The following THOC1 variants were observed in gnomAD, a reference collection of about 807,000 sequenced individuals.
The protein encoded by THOC1 is THO complex 1.
A neutral mutation model predicts 97.3 loss-of-function variants in THOC1; 29 were observed. That is an observed-to-expected ratio of 0.30 (90% CI 0.22 to 0.41). The LOEUF (loss-of-function observed/expected upper bound fraction) is 0.41, where lower values mean the gene tolerates loss of function less well. THOC1 is among the 10% of genes least tolerant of loss of function. The pLI is 1.00. For synonymous variants in THOC1, 255 were observed against 257.0 expected (o/e 0.99, Z 0.07); for missense variants, 529 against 761.9 (o/e 0.69, Z 3.60).
chr18:231,619 T>A (rs1015442010), intron 11 of THOC1, among the ~76,000 whole-genome samples: 3 of 152,194 alleles, frequency 2.0e-5, no homozygotes, highest in African/African-American at 7.2e-5. Flanking sequence ...CAGCTACATA[T>A]AAAATCCTAA....
intron 3 of THOC1, among the ~76,000 whole-genome samples, chr18:264,478 T>C (rs1448513117): frequency 1.3e-5 from 2 of 152,200 alleles, no homozygotes; most frequent in African/African-American, 2.4e-5. Context: ...GTGGTTTTAA[T>C]AGAAGGAAGA....
intron 11 of THOC1, among the ~76,000 whole-genome samples, chr18:241,973 A>AT (rs1351604324): frequency 6.6e-6 from 1 of 152,204 alleles, no homozygotes; most frequent in Non-Finnish European, 1.5e-5. Context: ...ACCCTGGATT[A>AT]TTTTGCTCTG....
intron 12 of THOC1, 35 bp from the exon 13 acceptor site, chr18:225,438 A>G: frequency 6.4e-7 from 1 of 1,571,850 alleles, no homozygotes; most frequent in Non-Finnish European, 8.7e-7. Context: ...TGCTTGAGTT[A>G]CAGCAATGCA....
At chr18:229,869 T>G (rs536943121) in intron 11 of THOC1, among the ~76,000 whole-genome samples, 1 of 152,302 alleles carries the variant, frequency 6.6e-6, no homozygotes, top group African/African-American at 2.4e-5. Flanking sequence ...TCATTCTCCC[T>G]TAAACATGGG....
intron 4 of THOC1, 170 bp downstream of exon 4, chr18:263,856 A>G: frequency 1.7e-6 from 1 of 580,768 alleles, no homozygotes; most frequent in East Asian, 2.9e-5. Context: ...AGAGATGAGA[A>G]ATAAGAGTGA....
chr18:215,814 CAAGG>C lies in THOC1; in HGVS notation c.1603-314_1603-311del, dbSNP rs577806154. ...AGGGTTTATTTAGTAAAGACGGCCT[CAAGG>C]AAGCCAGTAGCAACAGTGTCCTTAA... On this transcript the variant is annotated intron_variant, in intron 19 of 20. Coordinates refer to ENST00000261600, the MANE Select transcript of THOC1 (RefSeq NM_005131.3). 414 of 293,732 alleles carry C rather than the reference CAAGG, an allele frequency of 1.4e-3. 6 individuals are homozygous for C. In the South Asian group the frequency reaches 0.023, roughly 16 times the overall value. The allele number at this position is 293,732 out of a possible 1,614,324, so 18.2% of individuals were successfully genotyped here.
chr18:236,390 C>CT (rs1911690688), intron 11 of THOC1, among the ~76,000 whole-genome samples: 1 of 121,002 alleles, frequency 8.3e-6, no homozygotes, highest in Non-Finnish European at 1.6e-5. Flanking sequence ...GAGTCTCGCT[C>CT]TGTCGCCCAG....
At chr18:260,114 A>T in intron 5 of THOC1, 72 bp downstream of exon 5, 4 of 1,055,356 alleles carry the variant, frequency 3.8e-6, no homozygotes, top group Non-Finnish European at 5.2e-6. Context: ...AATTTAAAAA[A>T]AAAAATCTAC....
Position 214,695 on chromosome 18 carries a change from A to T in THOC1, c.1905T>A (p.Asn635Lys), listed in dbSNP as rs775272891. Reference sequence around the variant, plus strand: ...CACTTAATCCAGACTTATTCAGTGCATTAATCAGATTCTCAGGTGTTGCAT... The same window carrying T: ...CACTTAATCCAGACTTATTCAGTGCTTTAATCAGATTCTCAGGTGTTGCAT... ...GVHATPENLI[N>K]ALNKSGLSDL... Residue 635 changes from asparagine to lysine, a missense_variant, in exon 21 of 21, where the codon AAT becomes AAA. This residue lies in a region of THOC1 where 98 missense variants were observed against 111.9 expected (regional missense o/e 0.88). Coordinates refer to ENST00000261600, the MANE Select transcript of THOC1 (RefSeq NM_005131.3). The T allele has an allele frequency of 6.8e-6, 11 of 1,613,946 alleles. No homozygotes were observed. The highest frequency in any genetic ancestry group is 9.3e-6 in the Non-Finnish European group (11 of 1,179,844).
At chr18:266,708 C>A (rs1912780640) in intron 1 of THOC1, among the ~76,000 whole-genome samples, 1 of 151,978 alleles carries the variant, frequency 6.6e-6, no homozygotes, top group Admixed American at 6.6e-5. Context: ...GGCTAATTTT[C>A]GTATTTTTAG....
intron 12 of THOC1, chr18:225,935 T>C (rs1223986067): frequency 1.3e-5 from 2 of 152,736 alleles, no homozygotes; most frequent in Non-Finnish European, 2.9e-5. Flanking sequence ...ACATACATTA[T>C]TCATTGAATT....
chr18:242,423 G>A lies in THOC1; in HGVS notation c.918+3901C>T, dbSNP rs1157703875. On this transcript the variant is annotated intron_variant, in intron 11 of 20. Coordinates refer to ENST00000261600, the MANE Select transcript of THOC1 (RefSeq NM_005131.3). This position sits in a 1 kb window ranked among gnomAD's most constrained non-coding sequence, Gnocchi z 4.5. The stretch of plus-strand genomic sequence containing the variant: ...AACCCAGGAGGTGGAAGTTACAGTG[G>A]GCCAAAAAAAAAGTGTCTCAAAAAA... Among the ~76,000 whole-genome samples, 1 of 147,244 alleles carries A rather than the reference G, an allele frequency of 6.8e-6. No homozygotes were observed. Among genetic ancestry groups the A allele is most frequent in the Non-Finnish European group, 1.5e-5 (1 of 66,356 alleles).
At chr18:259,029 C>T (rs1912521201) in intron 7 of THOC1, 151 bp downstream of exon 7, 1 of 617,250 alleles carries the variant, frequency 1.6e-6, no homozygotes, top group African/African-American at 1.9e-5. Flanking sequence ...GACTGCTATA[C>T]ATTTATAAGT....
At chr18:266,355 AG>A (rs1912767436) in intron 1 of THOC1, among the ~76,000 whole-genome samples, 5 of 152,024 alleles carry the variant, frequency 3.3e-5, no homozygotes. Context: ...GTTAAATAAG[AG>A]GGTTTTTGTA....
At chr18:215,386 C>T (rs771543958) in intron 20 of THOC1, 43 bp downstream of exon 20, 3 of 1,474,436 alleles carry the variant, frequency 2.0e-6, no homozygotes, top group African/African-American at 2.8e-5. Flanking sequence ...GAACCCCAAT[C>T]GTCTTCAATT....
In THOC1 at chr18:265,406, G is replaced by A. The variant is rs574950279; in HGVS notation, c.129-43C>T. On this transcript the variant is annotated intron_variant, in intron 2 of 20. Transcript: ENST00000261600. ...CATCCTCATTTTTCAAACAGCTCAG[G>A]GTATGTATAAAGATTGAGGCAAGTA... 9.4e-6 allele frequency: 15 copies of A among 1,589,168 alleles called. No homozygotes were observed. In the East Asian group the frequency reaches 3.1e-4, roughly 33 times the overall value.
intron 7 of THOC1, among the ~76,000 whole-genome samples, chr18:257,906 A>T (rs1457396578): frequency 6.6e-6 from 1 of 152,138 alleles, no homozygotes; most frequent in Non-Finnish European, 1.5e-5. Context: ...TGTTTAATTG[A>T]AGTTCCAGAA....
chr18:228,658 A>T (rs1911380137), intron 11 of THOC1, among the ~76,000 whole-genome samples: 1 of 152,188 alleles, frequency 6.6e-6, no homozygotes, highest in Non-Finnish European at 1.5e-5. Flanking sequence ...TGCCAACTTC[A>T]ACACACTTGT....
At chr18:215,756 T>A in intron 19 of THOC1, 1 of 428,342 alleles carries the variant, frequency 2.3e-6, no homozygotes, top group Non-Finnish European at 4.2e-6. Context: ...AGGAAGTCAG[T>A]AAAAAGCACA....
Sources: gnomAD v4.1 joint callset for allele counts (sites outside exome capture counted in the v4.1 genomes callset) on GRCh38, gnomAD v4.1.1 for gene constraint, gnomAD v4.1.1 regional missense constraint, Gnocchi (gnomAD v3.1) non-coding constraint, MANE v1.5 for transcripts, NCBI Gene and HGNC (gene_info 2026-07-23, HGNC 2026-07-21) for gene names.